Variants in NAALADL2 observed in about 807,000 individuals in gnomAD.
NAALADL2 encodes N-acetylated alpha-linked acidic dipeptidase like 2, also known as inactive N-acetylated-alpha-linked acidic dipeptidase-like protein 2.
NAALADL2 carries 76 observed loss-of-function variants against 87.2 expected under a neutral mutation model. The ratio of observed to expected loss-of-function variants is 0.87; its 90% confidence interval spans 0.72 to 1.05. The LOEUF is 1.05. NAALADL2 is among the 50% of genes least tolerant of loss of function. The pLI is 0.00. For synonymous variants in NAALADL2, 354 were observed against 331.0 expected (o/e 1.07, Z -0.75); for missense variants, 1,089 against 945.8 (o/e 1.15, Z -1.99).
chr3:174,668,589 G>A (rs1322266776), intron 2 of NAALADL2, among the ~76,000 whole-genome samples: 2 of 151,562 alleles, frequency 1.3e-5, no homozygotes, highest in African/African-American at 2.4e-5. Context: ...ACCCCGCAAC[G>A]GGCCCCGGTG....
At chr3:174,558,617 G>A (rs540040597) in intron 2 of NAALADL2, among the ~76,000 whole-genome samples, 6 of 152,108 alleles carry the variant, frequency 3.9e-5, no homozygotes, top group East Asian at 2.0e-4. Flanking sequence ...TAACGCTGCC[G>A]CTGATCTGGC....
intron 2 of NAALADL2, among the ~76,000 whole-genome samples, chr3:174,646,673 ACTTTT>A (rs1450984340): frequency 3.9e-5 from 6 of 152,122 alleles, no homozygotes; most frequent in East Asian, 1.9e-4. Flanking sequence ...TAGCACAGTA[ACTTTT>A]CTTTATGACA....
chr3:175,736,492 A>C (rs548002932), intron 11 of NAALADL2, among the ~76,000 whole-genome samples: 1 of 152,320 alleles, frequency 6.6e-6, no homozygotes, highest in Admixed American at 6.5e-5. Context: ...AGAGTCTGTT[A>C]CAGGTTGGGA....
chr3:175,144,310 C>T (rs999550211), intron 2 of NAALADL2, among the ~76,000 whole-genome samples: 1 of 151,928 alleles, frequency 6.6e-6, no homozygotes, highest in African/African-American at 2.4e-5. Context: ...TTAATTACTT[C>T]ATTCTCATAA....
At chr3:175,255,910 A>T (rs1332134579) in intron 3 of NAALADL2, among the ~76,000 whole-genome samples, 1 of 152,172 alleles carries the variant, frequency 6.6e-6, no homozygotes, top group African/African-American at 2.4e-5. Context: ...TGTCATTCAC[A>T]GCTGGCTATT....
In NAALADL2 at chr3:175,736,409, C is replaced by T. The variant is rs150029311; in HGVS notation, c.1897-897C>T. Among the ~76,000 whole-genome samples, 489 of 152,226 alleles carry T rather than the reference C, an allele frequency of 3.2e-3. 2 individuals carry two copies. Among genetic ancestry groups the T allele is most frequent in the African/African-American group, 0.011 (471 of 41,534 alleles). Reference sequence around the variant, plus strand: ...ATAGAATAAAAGCATGAAGAAAAATCGTATCTAAGATTTTGAAGGAGGTTT... The same window carrying T: ...ATAGAATAAAAGCATGAAGAAAAATTGTATCTAAGATTTTGAAGGAGGTTT... On this transcript the variant is annotated intron_variant, in intron 11 of 13. Coordinates refer to ENST00000454872, the MANE Select transcript of NAALADL2 (RefSeq NM_207015.3).
intron 2 of NAALADL2, among the ~76,000 whole-genome samples, chr3:174,602,692 C>T (rs1342423430): frequency 6.6e-6 from 1 of 151,930 alleles, no homozygotes; most frequent in Admixed American, 6.6e-5. Context: ...TGGTGATCAT[C>T]CTTGTTGTAT....
At chr3:175,409,772 A>G (rs1042574614) in intron 5 of NAALADL2, among the ~76,000 whole-genome samples, 3 of 152,040 alleles carry the variant, frequency 2.0e-5, no homozygotes, top group African/African-American at 7.2e-5. Context: ...CTTGTTTTAG[A>G]CATATTTAAT....
At chr3:175,584,773 G>C (rs1279622616) in intron 10 of NAALADL2, among the ~76,000 whole-genome samples, 1 of 152,148 alleles carries the variant, frequency 6.6e-6, no homozygotes, top group Non-Finnish European at 1.5e-5. Flanking sequence ...GTGCAGTAAA[G>C]TACAATATAA....
chr3:175,071,681 C>T (rs1715671411), intron 1 of NAALADL2, among the ~76,000 whole-genome samples: 1 of 151,950 alleles, frequency 6.6e-6, no homozygotes, highest in Non-Finnish European at 1.5e-5. Flanking sequence ...CAAATGGACA[C>T]AGCCACCAAT....
At chr3:174,625,452 C>A (rs1172718706) in intron 2 of NAALADL2, among the ~76,000 whole-genome samples, 2 of 150,552 alleles carry the variant, frequency 1.3e-5, no homozygotes, top group African/African-American at 2.5e-5. Context: ...AAATAAAAAC[C>A]CATAAAATAC....
Position 175,324,204 on chromosome 3 carries a change from A to C in NAALADL2, c.969A>C (p.Gly323=). 1 of 1,613,336 alleles carries C rather than the reference A, an allele frequency of 6.2e-7. No individual in the cohort carries two copies. Among genetic ancestry groups the C allele is most frequent in the Non-Finnish European group, 8.5e-7 (1 of 1,179,584 alleles). Residue 323 remains glycine (G), a synonymous_variant, in exon 5 of 14, where the codon GGA becomes GGC. Transcript: ENST00000454872. ...CCTCATTGGAAAAGGCTGGATTTGG[A>C]GGTGTTCTTCTGTATATCGATCCTT... ...KLSSLEKAGF[G]GVLLYIDPCD... is the part of the protein sequence containing the mutation.
intron 10 of NAALADL2, among the ~76,000 whole-genome samples, chr3:175,614,130 G>T (rs996056817): frequency 6.6e-6 from 1 of 152,102 alleles, no homozygotes; most frequent in African/African-American, 2.4e-5. Flanking sequence ...TCAGCTCACC[G>T]CAACCTCCAC....
At chr3:175,073,275 T>C (rs2109168284) in intron 1 of NAALADL2, among the ~76,000 whole-genome samples, 1 of 152,208 alleles carries the variant, frequency 6.6e-6, no homozygotes, top group African/African-American at 2.4e-5. Flanking sequence ...GATCAAAGTT[T>C]ATATTGTTTG....
intron 2 of NAALADL2, among the ~76,000 whole-genome samples, chr3:175,118,358 T>C (rs1465900109): frequency 6.6e-6 from 1 of 151,700 alleles, no homozygotes; most frequent in Non-Finnish European, 1.5e-5. Context: ...TGCCTGATTG[T>C]TGTGTATCAA....
intron 9 of NAALADL2, among the ~76,000 whole-genome samples, chr3:175,540,874 C>A (rs1712198397): frequency 6.6e-6 from 1 of 151,962 alleles, no homozygotes; most frequent in Non-Finnish European, 1.5e-5. Flanking sequence ...ATTAAAGAGC[C>A]AAAGATTTCT....
intron 1 of NAALADL2, among the ~76,000 whole-genome samples, chr3:174,522,349 C>T (rs564686097): frequency 6.6e-6 from 1 of 152,060 alleles, no homozygotes; most frequent in South Asian, 2.1e-4. Context: ...GAAGAGTATT[C>T]GTGAATGAGA....
intron 1 of NAALADL2, among the ~76,000 whole-genome samples, chr3:174,449,148 G>C (rs1310210781): frequency 6.6e-6 from 1 of 152,140 alleles, no homozygotes; most frequent in Non-Finnish European, 1.5e-5. Context: ...CTTGAAGAAT[G>C]GAACCAGTTG....
intron 1 of NAALADL2, among the ~76,000 whole-genome samples, chr3:174,506,003 G>A (rs180909572): frequency 1.7e-4 from 26 of 152,172 alleles, no homozygotes; most frequent in African/African-American, 4.6e-4. Context: ...GCGTGTGCAA[G>A]CATGTGTGTG....
Sources: gnomAD v4.1 joint callset for allele counts (sites outside exome capture counted in the v4.1 genomes callset) on GRCh38, gnomAD v4.1.1 for gene constraint, MANE v1.5 for transcripts, NCBI Gene and HGNC (gene_info 2026-07-23, HGNC 2026-07-21) for gene names.